The following SNX8 variants were observed in gnomAD, a reference collection of about 807,000 sequenced individuals.
SNX8 encodes sorting nexin-8.
In SNX8, 25 loss-of-function variants were observed where a neutral mutation model predicts 51.6. That is an observed-to-expected ratio of 0.48 (90% CI 0.35 to 0.68). SNX8 has a LOEUF of 0.68. Ranked by LOEUF, SNX8 falls within the 30% of genes least tolerant of loss-of-function variation. The pLI is 0.00. For missense variants in SNX8, 695 were observed against 624.0 expected, an observed-to-expected ratio of 1.11 and a Z score of -1.21; for synonymous variants, 324 against 277.0, an observed-to-expected ratio of 1.17 and a Z score of -1.68.
At chr7:2,258,649 C>T (rs1795257389) in intron 7 of SNX8, among the ~76,000 whole-genome samples, 1 of 152,080 alleles carries the variant, frequency 6.6e-6, no homozygotes, top group Admixed American at 6.5e-5. Flanking sequence ...GGGAAGGGGG[C>T]GCAGGGTAGG....
chr7:2,330,126 C>T (rs1193456814), intron 1 of SNX8, among the ~76,000 whole-genome samples: 2 of 141,408 alleles, frequency 1.4e-5, no homozygotes, highest in Non-Finnish European at 1.5e-5. Flanking sequence ...CCACTGCGCC[C>T]GGCCCTTTTT....
In SNX8 at chr7:2,271,963, C is replaced by G; in HGVS notation, c.427G>C (p.Glu143Gln). Residue 143 changes from glutamate to glutamine, a missense_variant, in exon 4 of 11, where the codon GAG (glutamate) becomes CAG (glutamine). Physicochemically the swap from Glu to Gln is conservative, Grantham distance 29. Coordinates refer to ENST00000222990, the MANE Select transcript of SNX8 (RefSeq NM_013321.4). ...GCTCTCCTCCTGGCCTCGATGAACT[C>G]CCTGTCAGCTGGAGGAGCACACGGG... ...PPKRMLGADR[E>Q]FIEARRRALK... is the part of the protein sequence containing the mutation. 1.2e-6 allele frequency: 2 copies of G among 1,614,076 alleles called. No homozygotes were observed. The highest frequency in any genetic ancestry group is 2.2e-5 in the East Asian group (1 of 44,880).
chr7:2,267,185 A>G (rs1298282844), intron 5 of SNX8, among the ~76,000 whole-genome samples: 1 of 152,244 alleles, frequency 6.6e-6, no homozygotes, highest in Non-Finnish European at 1.5e-5. Context: ...AAACCATGCG[A>G]CAGATGTCAG....
At chr7:2,273,786 C>A (rs1795706807) in intron 3 of SNX8, among the ~76,000 whole-genome samples, 1 of 151,604 alleles carries the variant, frequency 6.6e-6, no homozygotes, top group Non-Finnish European at 1.5e-5. Flanking sequence ...CGCCTGTAGT[C>A]CCAGCTACGC....
chr7:2,332,769 A>G (rs202022788), intron 1 of SNX8, among the ~76,000 whole-genome samples: 1 of 122,404 alleles, frequency 8.2e-6, no homozygotes. Flanking sequence ...GAAGGAAGGA[A>G]GGAGGGAAGG....
chr7:2,301,797 G>A (rs1020357599), intron 1 of SNX8, among the ~76,000 whole-genome samples: 1 of 152,146 alleles, frequency 6.6e-6, no homozygotes, highest in African/African-American at 2.4e-5. Flanking sequence ...CCTGCCTCCA[G>A]CGTCGAGTTC....
intron 1 of SNX8, among the ~76,000 whole-genome samples, chr7:2,353,827 C>T (rs1490146714): frequency 6.6e-6 from 1 of 152,234 alleles, no homozygotes; most frequent in South Asian, 2.1e-4. Flanking sequence ...CAAGGCTGGT[C>T]TCCAACTCCT....
chr7:2,309,074 C>G (rs912691966), intron 1 of SNX8, among the ~76,000 whole-genome samples: 9 of 152,020 alleles, frequency 5.9e-5, no homozygotes, highest in Non-Finnish European at 1.2e-4. Context: ...CAGGCGTGAA[C>G]CACCAGGCCC....
In SNX8 at chr7:2,258,074, G is replaced by A. The variant is rs569760157; in HGVS notation, c.916-271C>T. ...CGCCCAGGCTGGAATGCAGTGGCAC[G>A]ATCTCGGCTCACTGCAAGCTCCGCC... is the stretch of plus-strand genomic sequence containing the variant. On this transcript the variant is annotated intron_variant, in intron 7 of 10. Transcript: ENST00000222990. Among the ~76,000 whole-genome samples, 5 of 147,308 alleles carry A rather than the reference G, an allele frequency of 3.4e-5. No individual in the cohort carries two copies. The East Asian group carries it at 8.2e-4, about 24-fold the overall frequency.
chr7:2,339,331 G>A (rs932019289), intron 1 of SNX8, among the ~76,000 whole-genome samples: 18 of 151,960 alleles, frequency 1.2e-4, no homozygotes, highest in African/African-American at 3.9e-4. Context: ...TCAGCCTCCC[G>A]AGTAGCTGGG....
At chr7:2,351,535 T>C (rs1415653515) in intron 1 of SNX8, among the ~76,000 whole-genome samples, 4 of 151,852 alleles carry the variant, frequency 2.6e-5, no homozygotes, top group African/African-American at 9.7e-5. Flanking sequence ...TGAGACCCTG[T>C]TAAAAAATAA....
intron 1 of SNX8, among the ~76,000 whole-genome samples, chr7:2,344,607 A>AGCCTGGGTGACAGAGCGAG: frequency 2.1e-5 from 1 of 47,720 alleles, no homozygotes; most frequent in Non-Finnish European, 4.6e-5. Flanking sequence ...GCGAGACTCC[A>AGCCTGGGTGACAGAGCGAG]ACTCAAAAAA....
At chr7:2,346,359 T>C (rs1220554112) in intron 1 of SNX8, among the ~76,000 whole-genome samples, 2 of 151,424 alleles carry the variant, frequency 1.3e-5, no homozygotes, top group African/African-American at 4.9e-5. Context: ...AACAGGAGGG[T>C]TGCTTGAACC....
chr7:2,335,294 G>A (rs137884428), intron 1 of SNX8, among the ~76,000 whole-genome samples: 40 of 152,266 alleles, frequency 2.6e-4, no homozygotes, highest in African/African-American at 9.4e-4. Context: ...TCATACAATG[G>A]ATACTACTCA....
chr7:2,338,039 G>A (rs548325161), intron 1 of SNX8, among the ~76,000 whole-genome samples: 53 of 152,234 alleles, frequency 3.5e-4, no homozygotes, highest in Non-Finnish European at 4.9e-4. Flanking sequence ...TAAAGACTGC[G>A]AAAGGGCCAG....
At chr7:2,316,819 A>G (rs1252193933), upstream of SNX8, among the ~76,000 whole-genome samples, 1 of 152,224 alleles carries the variant, frequency 6.6e-6, no homozygotes, top group Non-Finnish European at 1.5e-5. Flanking sequence ...TGCATCCTGC[A>G]TCTATCCACC....
chr7:2,281,514 G>T (rs1795905488), intron 1 of SNX8, among the ~76,000 whole-genome samples: 1 of 152,068 alleles, frequency 6.6e-6, no homozygotes, highest in Admixed American at 6.6e-5. Flanking sequence ...AACACCAGGA[G>T]GAGGAGCCCG....
chr7:2,310,049 T>C, intron 1 of SNX8: 1 of 365,562 alleles, frequency 2.7e-6, no homozygotes, highest in Non-Finnish European at 5.5e-6. Context: ...GAAGCGTGAC[T>C]CACCCTCGTT....
chr7:2,316,711 A>C (rs1158358618), upstream of SNX8, among the ~76,000 whole-genome samples: 3 of 149,856 alleles, frequency 2.0e-5, no homozygotes, highest in Non-Finnish European at 4.4e-5. Context: ...TCATGCAACC[A>C]CTCACTCACT....
Sources: allele counts gnomAD v4.1 joint callset (sites outside exome capture counted in the v4.1 genomes callset), GRCh38; gene constraint gnomAD v4.1.1; transcripts MANE v1.5; gene names NCBI Gene and HGNC (gene_info 2026-07-23, HGNC 2026-07-21).